Variants in BLACAT1 observed in about 807,000 individuals in gnomAD.
BLACAT1 encodes the protein BLACAT1 overlapping LEMD1 locus, also known as bladder cancer associated transcript 1.
At position 205,448,194 on chromosome 1, in the gene BLACAT1, G is replaced by A; in HGVS notation, c.-36-7132C>T. On this transcript the variant is annotated intron_variant, in intron 1 of 1. Transcript: ENST00000629624. The surrounding 1 kb of genome is among the most constrained non-coding windows in gnomAD (Gnocchi z 4.7). ...GTCACACGGCTTAGCCCCGATCCCA[G>A]GTTACCAGATCCCGTGATGCCCCAC... The A allele has an allele frequency of 2.3e-6, 1 of 443,998 alleles. No individual in the cohort carries two copies. The highest frequency in any genetic ancestry group is 4.6e-6 in the Non-Finnish European group (1 of 216,094). The allele number at this position is 443,998 out of a possible 1,614,324, so 27.5% of individuals were successfully genotyped here.
chr1:205,452,522 T>C (rs749065144), intron 1 of BLACAT1, among the ~76,000 whole-genome samples: 1 of 152,172 alleles, frequency 6.6e-6, no homozygotes, highest in Non-Finnish European at 1.5e-5. Flanking sequence ...CACAGCCACT[T>C]CTCAGACCCA....
intron 1 of BLACAT1, among the ~76,000 whole-genome samples, chr1:205,452,222 C>T (rs1456293146): frequency 9.2e-5 from 14 of 152,170 alleles, no homozygotes; most frequent in Admixed American, 9.2e-4. Context: ...TGCAGCAACT[C>T]CCTTTTTAGG....
In BLACAT1 at chr1:205,450,116, G is replaced by A. The variant is rs1051865856; in HGVS notation, c.-37+5801C>T. Reference sequence around the variant, plus strand: ...CCCTGAGGACGGTGGGGGTGGGGGTGGGGGCGGGCTGGGCAGGCGGGGCAG... The same window carrying A: ...CCCTGAGGACGGTGGGGGTGGGGGTAGGGGCGGGCTGGGCAGGCGGGGCAG... On this transcript the variant is annotated intron_variant, in intron 1 of 1. Transcript: ENST00000629624. This position sits in a 1 kb window ranked among gnomAD's most constrained non-coding sequence, Gnocchi z 4.4. 6.6e-6 allele frequency among the ~76,000 whole-genome samples: 1 copy of A among 152,088 alleles called. No individual in the cohort carries two copies. Among genetic ancestry groups the A allele is most frequent in the East Asian group, 1.9e-4 (1 of 5,158 alleles).
At chr1:205,436,680 C>T (rs1030951183), downstream of BLACAT1, 2 of 152,182 alleles carry the variant, frequency 1.3e-5, no homozygotes, top group Non-Finnish European at 2.9e-5. Context: ...GGAACAGATT[C>T]TGTTTCTTGG....
At chr1:205,447,377 G>A (rs1666410893) in intron 1 of BLACAT1, among the ~76,000 whole-genome samples, 1 of 152,202 alleles carries the variant, frequency 6.6e-6, no homozygotes, top group South Asian at 2.1e-4. Context: ...TAAGGGCTCT[G>A]AGATATTATA....
chr1:205,451,564 G>A (rs548037680), intron 1 of BLACAT1, among the ~76,000 whole-genome samples: 1 of 151,890 alleles, frequency 6.6e-6, no homozygotes, highest in East Asian at 1.9e-4. Context: ...GGGAGTGGTC[G>A]GGGGGGTAAC....
chr1:205,442,424 T>A (rs1277968983), intron 1 of BLACAT1, among the ~76,000 whole-genome samples: 1 of 152,226 alleles, frequency 6.6e-6, no homozygotes, highest in African/African-American at 2.4e-5. Context: ...GGTGGCTCTC[T>A]GGACAGTTCC....
intron 1 of BLACAT1, among the ~76,000 whole-genome samples, chr1:205,445,286 C>A (rs1313437501): frequency 6.6e-6 from 1 of 152,192 alleles, no homozygotes; most frequent in Non-Finnish European, 1.5e-5. Flanking sequence ...GTCTACAAGA[C>A]CGTGTTGATA....
In BLACAT1 at chr1:205,448,175, C is replaced by T. The variant is rs79887708; in HGVS notation, c.-36-7113G>A. 0.031 allele frequency: 12,593 copies of T among 400,448 alleles called. 309 individuals carry two copies. Among genetic ancestry groups the T allele is most frequent in the South Asian group, 0.058 (2,933 of 50,588 alleles). 24.8% of individuals were successfully genotyped at this position (400,448 alleles called of 1,614,324 possible). A position where few individuals can be genotyped will look rare whatever the true frequency, so the allele number is the denominator to read the frequency against. ...GGGAAGTGACTGGGCCAAGGTCACA[C>T]GGCTTAGCCCCGATCCCAGGTTACC... On this transcript the variant is annotated intron_variant, in intron 1 of 1. Transcript: ENST00000629624. The surrounding 1 kb of genome is among the most constrained non-coding windows in gnomAD (Gnocchi z 4.7).
At chr1:205,440,083 A>G (rs1666268160) in exon 2 of BLACAT1, among the ~76,000 whole-genome samples, 1 of 152,076 alleles carries the variant, frequency 6.6e-6, no homozygotes, top group South Asian at 2.1e-4. Context: ...AGAGAAGAAA[A>G]AGGCAGGGGA....
chr1:205,454,178 A>G (rs941579968), intron 1 of BLACAT1, among the ~76,000 whole-genome samples: 37 of 152,168 alleles, frequency 2.4e-4, no homozygotes, highest in Admixed American at 1.3e-4. Context: ...GCACCAGGAG[A>G]CAGCACTCAG....
intron 1 of BLACAT1, among the ~76,000 whole-genome samples, chr1:205,455,308 G>A: frequency 6.6e-6 from 1 of 152,166 alleles, no homozygotes; most frequent in Non-Finnish European, 1.5e-5. Flanking sequence ...TGATGTGTGT[G>A]GGGAGTAGCT....
At chr1:205,440,312 A>G (rs907241445) in exon 2 of BLACAT1, among the ~76,000 whole-genome samples, 7 of 152,198 alleles carry the variant, frequency 4.6e-5, no homozygotes. Context: ...AGAGGGAGCC[A>G]CGGAGCCACT....
rs375108008 is a variant in BLACAT1 at position 205,441,405 on chromosome 1, C to T, written c.-36-343G>A. On this transcript the variant is annotated intron_variant, in intron 1 of 1. Coordinates refer to ENST00000629624, the Ensembl canonical transcript of BLACAT1. This position sits in a 1 kb window ranked among gnomAD's most constrained non-coding sequence, Gnocchi z 4.3. The stretch of plus-strand genomic sequence containing the variant: ...TCACCATATACCTGTGGTTGGGGAA[C>T]AGGAAGCAAGCTGGCTTAAAATAGC... Among the ~76,000 whole-genome samples the T allele has an allele frequency of 1.6e-4, 24 of 152,262 alleles. 1 individual carries two copies. The East Asian group carries it at 4.1e-3, about 26-fold the overall frequency.
intron 1 of BLACAT1, among the ~76,000 whole-genome samples, chr1:205,446,563 C>T (rs1347493990): frequency 6.6e-6 from 1 of 152,192 alleles, no homozygotes; most frequent in Non-Finnish European, 1.5e-5. Context: ...CAACAGGATT[C>T]CCGGGAGGGG....
chr1:205,444,723 G>A (rs1294699606), intron 1 of BLACAT1, among the ~76,000 whole-genome samples: 2 of 152,114 alleles, frequency 1.3e-5, no homozygotes, highest in Non-Finnish European at 2.9e-5. Context: ...CAGAGTGGGC[G>A]GCAGCGGGGG....
chr1:205,440,048 G>A lies in BLACAT1; in HGVS notation c.*877C>T, dbSNP rs115191402. ...TCCACTGAAGGCACCACATATGAAC[G>A]CAGTCCCCTCTATGGCTTCTGAGGA... On this transcript the variant is annotated 3_prime_UTR_variant, in exon 2 of 2. Coordinates refer to ENST00000629624, the Ensembl canonical transcript of BLACAT1. Among the ~76,000 whole-genome samples, 568 of 152,178 alleles carry A rather than the reference G, an allele frequency of 3.7e-3. 2 individuals are homozygous for A. Among genetic ancestry groups the A allele is most frequent in the Middle Eastern group, 0.027 (8 of 294 alleles).
rs1197997255 is a variant in BLACAT1 at position 205,448,487 on chromosome 1, C to T, written c.-36-7425G>A. The T allele has an allele frequency of 8.4e-6, 4 of 476,966 alleles. No individual in the cohort carries two copies. The highest frequency in any genetic ancestry group is 1.7e-5 in the Non-Finnish European group (4 of 236,554). The allele number at this position is 476,966 out of a possible 1,614,324, so 29.5% of individuals were successfully genotyped here. ...CTCCCCTTCTCAGCACCCCCGACCC[C>T]AGACCCACCCACACTGCCTCCCTCC... On this transcript the variant is annotated intron_variant, in intron 1 of 1. Transcript: ENST00000629624. This position sits in a 1 kb window ranked among gnomAD's most constrained non-coding sequence, Gnocchi z 4.7.
At chr1:205,446,442 A>T (rs1041968121) in intron 1 of BLACAT1, among the ~76,000 whole-genome samples, 1 of 152,200 alleles carries the variant, frequency 6.6e-6, no homozygotes, top group South Asian at 2.1e-4. Context: ...CCATCCCTAC[A>T]AAGTCCCTTG....
Sources: allele counts gnomAD v4.1 joint callset (sites outside exome capture counted in the v4.1 genomes callset), GRCh38; gene constraint gnomAD v4.1.1; non-coding constraint Gnocchi (gnomAD v3.1); transcripts MANE v1.5; gene names NCBI Gene and HGNC (gene_info 2026-07-23, HGNC 2026-07-21).